The following TSHB variants were observed in gnomAD, a reference collection of about 807,000 sequenced individuals.
TSHB encodes the protein thyrotropin subunit beta.
In TSHB, 9 loss-of-function variants were observed where a neutral mutation model predicts 9.3. The ratio of observed to expected loss-of-function variants is 0.97; its 90% CI spans 0.58 to 1.69. TSHB has a LOEUF of 1.69. TSHB is among the 40% of genes most tolerant of loss of function. The pLI, the probability that TSHB is intolerant of heterozygous loss-of-function variation, is 0.00. For synonymous variants in TSHB, 57 were observed against 57.2 expected (o/e 1.00, Z 0.01); for missense variants, 182 against 168.5 (o/e 1.08, Z -0.44).
chr1:115,032,699 A>T (rs78092574), intron 1 of TSHB, among the ~76,000 whole-genome samples: 4,751 of 152,116 alleles, frequency 0.031, 121 homozygotes, highest in Non-Finnish European at 0.042. Context: ...TAATTATGTC[A>T]TAACATTATC....
In TSHB at chr1:115,034,065, A is replaced by T. The variant is rs762568450; in HGVS notation, c.255A>T (p.Pro85=). ...RDFIYRTVEI[P]GCPLHVAPYF... The stretch of plus-strand genomic sequence containing the variant: ...TCATCTACAGGACTGTAGAAATACC[A>T]GGATGCCCACTCCATGTTGCTCCCT... Residue 85 remains proline, a synonymous_variant, in exon 3 of 3, where the codon CCA becomes CCT. Transcript: ENST00000256592. The T allele has an allele frequency of 6.2e-7, 1 of 1,613,854 alleles. No homozygotes were observed. The highest frequency in any genetic ancestry group is 1.7e-5 in the Admixed American group (1 of 59,996).
chr1:115,032,253 G>C (rs1482625949), intron 1 of TSHB, among the ~76,000 whole-genome samples: 1 of 151,770 alleles, frequency 6.6e-6, no homozygotes, highest in African/African-American at 2.4e-5. Context: ...ATAAATCCCT[G>C]GTAACCTGTG....
At position 115,033,399 on chromosome 1, in the gene TSHB, CTTACAT is replaced by C; in HGVS notation, c.38_43del (p.Leu13_Cys15delinsArg). 2 of 1,613,428 alleles carry C rather than the reference CTTACAT, an allele frequency of 1.2e-6. No homozygotes were observed. The highest frequency in any genetic ancestry group is 1.7e-6 in the Non-Finnish European group (2 of 1,179,502). ...CTTTCTGATGTCCATGCTTTTTGGCCTTACATGTGGGCAAGCGATGTCTTTTTGTAT... is the reference window on the plus strand; with the variant it reads ...CTTTCTGATGTCCATGCTTTTTGGCCGTGGGCAAGCGATGTCTTTTTGTAT... On this transcript the variant is annotated inframe_deletion, in exon 2 of 3. Coordinates refer to ENST00000256592, the MANE Select transcript of TSHB (RefSeq NM_000549.5).
rs1284538442 is a variant in TSHB at position 115,034,209 on chromosome 1, G to A, written c.399G>A (p.Leu133=). ...GTACCAAACCTCAGAAGTCTTATCT[G>A]GTAGGATTTTCTGTCTAATAGTGAT... ...NYCTKPQKSY[L]VGFSV The change falls in exon 3 of 3, where the codon CTG becomes CTA. Residue 133 remains leucine, a synonymous_variant. Coordinates refer to ENST00000256592, the MANE Select transcript of TSHB (RefSeq NM_000549.5). 1 of 1,613,582 alleles carries A rather than the reference G, an allele frequency of 6.2e-7. No individual in the cohort carries two copies. The highest frequency in any genetic ancestry group is 1.3e-5 in the African/African-American group (1 of 74,872).
chr1:115,031,691 A>T (rs1206408997), intron 1 of TSHB, among the ~76,000 whole-genome samples: 1 of 152,164 alleles, frequency 6.6e-6, no homozygotes, highest in East Asian at 1.9e-4. Flanking sequence ...CCTACAGAGG[A>T]TCATCAAGTT....
chr1:115,031,484 A>C (rs1426850121), intron 1 of TSHB, among the ~76,000 whole-genome samples: 1 of 151,968 alleles, frequency 6.6e-6, no homozygotes, highest in African/African-American at 2.4e-5. Context: ...TCTGTTTCTT[A>C]ATTTTTAGAC....
chr1:115,034,205 A>C lies in TSHB; in HGVS notation c.395A>C (p.Tyr132Ser). The C allele has an allele frequency of 1.2e-6, 2 of 1,613,812 alleles. No homozygotes were observed. The highest frequency in any genetic ancestry group is 1.7e-6 in the Non-Finnish European group (2 of 1,179,752). ...TACTGTACCAAACCTCAGAAGTCTT[A>C]TCTGGTAGGATTTTCTGTCTAATAG... is the stretch of plus-strand genomic sequence containing the variant. ...TNYCTKPQKS[Y>S]LVGFSV The change falls in exon 3 of 3, where the codon TAT (tyrosine) becomes TCT (serine). Residue 132 changes from tyrosine to serine, a missense_variant. Coordinates refer to ENST00000256592, the MANE Select transcript of TSHB (RefSeq NM_000549.5).
At chr1:115,031,751 C>G (rs1438022849) in intron 1 of TSHB, among the ~76,000 whole-genome samples, 1 of 151,996 alleles carries the variant, frequency 6.6e-6, no homozygotes, top group Non-Finnish European at 1.5e-5. Context: ...AGGGAGCTCA[C>G]ATTTGAGAAG....
In TSHB at chr1:115,034,118, G is replaced by A; in HGVS notation, c.308G>A (p.Cys103Tyr). 1 of 1,613,848 alleles carries A rather than the reference G, an allele frequency of 6.2e-7. No homozygotes were observed. Among genetic ancestry groups the A allele is most frequent in the Non-Finnish European group, 8.5e-7 (1 of 1,179,832 alleles). ...PYFSYPVALS[C>Y]KCGKCNTDYS... ...TTTTCCTATCCTGTTGCTTTAAGCT[G>A]TAAGTGTGGCAAGTGCAATACTGAC... is the stretch of plus-strand genomic sequence containing the variant. Residue 103 changes from cysteine (C) to tyrosine (Y), a missense_variant, in exon 3 of 3, where the codon TGT becomes TAT. Cys to Tyr is a radical substitution (Grantham distance 194). Transcript: ENST00000256592.
intron 1 of TSHB, among the ~76,000 whole-genome samples, chr1:115,031,140 G>C (rs1297511179): frequency 1.3e-5 from 2 of 152,030 alleles, no homozygotes; most frequent in Admixed American, 1.3e-4. Flanking sequence ...GAAAGATTCT[G>C]TGGGTGAAGT....
chr1:115,033,222 G>A (rs1674933154), intron 1 of TSHB, 140 bp from the exon 2 acceptor site: 1 of 783,574 alleles, frequency 1.3e-6, no homozygotes, highest in Non-Finnish European at 2.1e-6. Context: ...TCTTTCTGGT[G>A]TCTTCCTTGA....
Position 115,033,387 on chromosome 1 carries a change from AT to A in TSHB, c.26del (p.Met9SerfsTer32). 6.2e-7 allele frequency: 1 copy of A among 1,613,414 alleles called. No individual in the cohort carries two copies. The highest frequency in any genetic ancestry group is 8.5e-7 in the Non-Finnish European group (1 of 1,179,478). On this transcript the variant is annotated frameshift_variant, in exon 2 of 3. Coordinates refer to ENST00000256592, the MANE Select transcript of TSHB (RefSeq NM_000549.5). LOFTEE classifies it high-confidence loss of function. ...CATGACTGCTCTCTTTCTGATGTCC[AT>A]GCTTTTTGGCCTTACATGTGGGCAA... MTALFLMS[M>X]LFGLTCGQAM...
At chr1:115,033,287 G>T in intron 1 of TSHB, 75 bp from the exon 2 acceptor site, 5 of 1,396,770 alleles carry the variant, frequency 3.6e-6, no homozygotes, top group South Asian at 1.2e-5. Context: ...ACTGAAGTTT[G>T]GTTATACTTT....
chr1:115,033,570 C>G (rs772992010), intron 2 of TSHB, 46 bp downstream of exon 2: 5 of 1,500,414 alleles, frequency 3.3e-6, no homozygotes, highest in Non-Finnish European at 3.7e-6. Context: ...TATATAAGCC[C>G]TGAAGAAGTC....
intron 1 of TSHB, among the ~76,000 whole-genome samples, chr1:115,030,825 T>C (rs1674879776): frequency 6.6e-6 from 1 of 152,028 alleles, no homozygotes; most frequent in African/African-American, 2.4e-5. Context: ...ATTTGTACAG[T>C]GTTATACAGC....
chr1:115,031,477 G>C (rs535434805), intron 1 of TSHB, among the ~76,000 whole-genome samples: 1 of 152,014 alleles, frequency 6.6e-6, no homozygotes, highest in East Asian at 1.9e-4. Context: ...GAAGAATTCT[G>C]TTTCTTAATT....
chr1:115,032,042 C>T lies in TSHB; in HGVS notation c.-1-1320C>T, dbSNP rs1021674040. The stretch of plus-strand genomic sequence containing the variant: ...TCTTTCAGAGCACTAGAACAATCTG[C>T]GTTTTTATTATTTGTGTTCATATTA... On this transcript the variant is annotated intron_variant, in intron 1 of 2. Coordinates refer to ENST00000256592, the MANE Select transcript of TSHB (RefSeq NM_000549.5). Among the ~76,000 whole-genome samples, 6 of 151,918 alleles carry T rather than the reference C, an allele frequency of 3.9e-5. No individual in the cohort carries two copies. The South Asian group carries it at 6.2e-4, about 16-fold the overall frequency.
At chr1:115,032,390 T>C (rs534351560) in intron 1 of TSHB, among the ~76,000 whole-genome samples, 21 of 152,188 alleles carry the variant, frequency 1.4e-4, no homozygotes, top group African/African-American at 5.1e-4. Context: ...TGTTGGGATA[T>C]AACTGACAGA....
At chr1:115,033,815 A>G (rs2101008984) in intron 2 of TSHB, 158 bp from the exon 3 acceptor site, 1 of 496,208 alleles carries the variant, frequency 2.0e-6, no homozygotes, top group Admixed American at 6.4e-5. Flanking sequence ...TGTAGAATTC[A>G]ACGTGGTTAA....
Sources: allele counts gnomAD v4.1 joint callset (sites outside exome capture counted in the v4.1 genomes callset), GRCh38; gene constraint gnomAD v4.1.1; transcripts MANE v1.5; gene names NCBI Gene and HGNC (gene_info 2026-07-23, HGNC 2026-07-21).